Variants in LMLN observed in about 807,000 individuals in gnomAD.
LMLN encodes the protein leishmanolysin-like peptidase.
LMLN carries 70 observed loss-of-function variants against 92.3 expected under a neutral mutation model. The observed-to-expected ratio is 0.76, with a 90% CI of 0.63 to 0.92. The LOEUF (loss-of-function observed/expected upper bound fraction) is 0.92. LMLN is among the 40% of genes least tolerant of loss of function. The pLI is 0.00. For missense variants in LMLN, 691 were observed against 814.6 expected (o/e 0.85, Z 1.85); for synonymous variants, 308 against 296.2 (o/e 1.04, Z -0.41).
At chr3:198,040,222 A>G (rs905001603) in exon 16 of LMLN, 8 of 152,110 alleles carry the variant, frequency 5.3e-5, no homozygotes, top group African/African-American at 1.9e-4. Flanking sequence ...AGTAGCGTCC[A>G]CTGTACCACT....
chr3:197,963,962 C>T (rs1720977935), intron 1 of LMLN, among the ~76,000 whole-genome samples: 2 of 152,110 alleles, frequency 1.3e-5, no homozygotes, highest in South Asian at 2.1e-4. Context: ...TCTGGTTTCC[C>T]GAGGGTTTTT....
intron 14 of LMLN, among the ~76,000 whole-genome samples, chr3:198,026,372 G>A (rs563721963): frequency 6.6e-6 from 1 of 152,166 alleles, no homozygotes; most frequent in African/African-American, 2.4e-5. Context: ...AGGCTGGAGT[G>A]CAGTGGTGCG....
intron 11 of LMLN, among the ~76,000 whole-genome samples, chr3:198,013,572 G>C (rs1423748709): frequency 4.6e-5 from 5 of 108,118 alleles, no homozygotes; most frequent in African/African-American, 1.1e-4. Flanking sequence ...TGACTTCTCT[G>C]TACCCTTCAG....
intron 1 of LMLN, among the ~76,000 whole-genome samples, chr3:197,964,599 A>T (rs945406352): frequency 6.6e-6 from 1 of 151,860 alleles, no homozygotes; most frequent in African/African-American, 2.4e-5. Context: ...GGGTTTCACC[A>T]TGTTGGCCAG....
intron 9 of LMLN, among the ~76,000 whole-genome samples, chr3:197,992,467 A>G (rs896045886): frequency 6.6e-6 from 1 of 152,212 alleles, no homozygotes; most frequent in African/African-American, 2.4e-5. Context: ...TACAGCTGAT[A>G]CCACAGAAAC....
chr3:197,984,139 A>C, intron 7 of LMLN, 91 bp downstream of exon 7: 1 of 778,130 alleles, frequency 1.3e-6, no homozygotes, highest in African/African-American at 1.7e-5. Context: ...CTTTAAGATG[A>C]TGTGGATTCC....
Position 198,035,992 on chromosome 3 carries a change from C to G in LMLN, c.1816C>G (p.Pro606Ala), listed in dbSNP as rs149101550. 14 of 1,613,864 alleles carry G rather than the reference C, an allele frequency of 8.7e-6. No individual in the cohort carries two copies. In the African/African-American group the frequency reaches 1.7e-4, roughly 20 times the overall value. ...ATGTTGGGACTTCTGTGAGCTCTGTCCTCCAGAAACAGATCCTCCAGCCAC... is the reference window on the plus strand; with the variant it reads ...ATGTTGGGACTTCTGTGAGCTCTGTGCTCCAGAAACAGATCCTCCAGCCAC... Residue 606 changes from proline to alanine, a missense_variant, in exon 15 of 16, where the codon CCT becomes GCT. Pro to Ala is a conservative substitution (Grantham distance 27). Transcript: ENST00000330198.
At chr3:198,032,383 T>TA (rs1444868442) in intron 14 of LMLN, among the ~76,000 whole-genome samples, 1 of 152,196 alleles carries the variant, frequency 6.6e-6, no homozygotes, top group African/African-American at 2.4e-5. Flanking sequence ...CTGCTGTACT[T>TA]AGTTTTCCCC....
At chr3:197,984,013 C>T in exon 7 of LMLN, 1 of 1,613,146 alleles carries the variant, frequency 6.2e-7, no homozygotes, top group South Asian at 1.1e-5. Context: ...TGTTGGGATG[C>T]TGTCCACAGT....
chr3:197,999,160 G>A, intron 10 of LMLN, 106 bp from the exon 11 acceptor site: 4 of 774,348 alleles, frequency 5.2e-6, no homozygotes, highest in Admixed American at 2.1e-5. Context: ...TGTCTTGTCA[G>A]CCTCTCACAG....
intron 14 of LMLN, among the ~76,000 whole-genome samples, chr3:198,032,844 G>A (rs1003402709): frequency 2.6e-5 from 4 of 152,178 alleles, no homozygotes; most frequent in East Asian, 1.9e-4. Flanking sequence ...AGCTGGGTTC[G>A]GAACGAACTG....
intron 8 of LMLN, among the ~76,000 whole-genome samples, chr3:197,986,663 G>A (rs1307032491): frequency 1.3e-5 from 2 of 152,094 alleles, no homozygotes; most frequent in Non-Finnish European, 2.9e-5. Context: ...ATGTGTAAAC[G>A]TTGCCTTGCC....
At chr3:197,984,740 T>C (rs1202265956) in intron 7 of LMLN, among the ~76,000 whole-genome samples, 2 of 151,716 alleles carry the variant, frequency 1.3e-5, no homozygotes, top group Non-Finnish European at 2.9e-5. Flanking sequence ...TGAGCCACTA[T>C]ATCCAGCCCT....
intron 11 of LMLN, among the ~76,000 whole-genome samples, chr3:198,014,862 T>G (rs1722576736): frequency 7.6e-6 from 1 of 130,942 alleles, no homozygotes; most frequent in Admixed American, 7.4e-5. Flanking sequence ...CTAGTCTGAC[T>G]TCTCTCCACC....
chr3:197,960,745 C>T (rs1014483544), intron 1 of LMLN, among the ~76,000 whole-genome samples: 9 of 152,126 alleles, frequency 5.9e-5, no homozygotes, highest in African/African-American at 2.2e-4. Context: ...GGATTGCCGC[C>T]CTCAGTCCCC....
chr3:197,968,262 C>G (rs112358895), intron 1 of LMLN, among the ~76,000 whole-genome samples: 1 of 151,614 alleles, frequency 6.6e-6, no homozygotes, highest in Admixed American at 6.6e-5. Flanking sequence ...GTCAGGAGAT[C>G]GAAACCATCC....
chr3:197,969,611 T>C (rs1721166615), intron 1 of LMLN, among the ~76,000 whole-genome samples: 1 of 152,204 alleles, frequency 6.6e-6, no homozygotes, highest in African/African-American at 2.4e-5. Flanking sequence ...AAGTTTGTTT[T>C]ATGGCCCAAA....
At chr3:197,974,305 A>G (rs1721308043) in intron 1 of LMLN, 72 bp from the exon 2 acceptor site, 9 of 756,302 alleles carry the variant, frequency 1.2e-5, no homozygotes, top group Non-Finnish European at 2.0e-5. Context: ...TTAGTTCATT[A>G]ATTTTAAGTT....
intron 11 of LMLN, among the ~76,000 whole-genome samples, chr3:198,015,053 C>G (rs1298185445): frequency 2.0e-5 from 3 of 147,230 alleles, no homozygotes. Flanking sequence ...TGACTTCTCT[C>G]CACCCTTCAG....
Sources: allele counts gnomAD v4.1 joint callset (sites outside exome capture counted in the v4.1 genomes callset), GRCh38; gene constraint gnomAD v4.1.1; transcripts MANE v1.5; gene names NCBI Gene and HGNC (gene_info 2026-07-23, HGNC 2026-07-21).